The following SMYD3 variants were observed in gnomAD, a reference collection of about 807,000 sequenced individuals.
SMYD3 encodes the protein SET and MYND domain containing 3.
A neutral mutation model predicts 57.7 loss-of-function variants in SMYD3; 36 were observed. The ratio of observed to expected loss-of-function variants is 0.62; its 90% CI spans 0.48 to 0.82. The LOEUF (loss-of-function observed/expected upper bound fraction) is 0.82, where lower values mean the gene tolerates loss of function less well. Ranked by LOEUF, SMYD3 falls within the 40% of genes least tolerant of loss-of-function variation. SMYD3 has a pLI of 0.00. For synonymous variants in SMYD3, 211 were observed against 195.0 expected, an observed-to-expected ratio of 1.08 and a Z score of -0.68; for missense variants, 515 against 538.8, an observed-to-expected ratio of 0.96 and a Z score of 0.44.
At chr1:246,073,253 A>G (rs768376626) in intron 5 of SMYD3, among the ~76,000 whole-genome samples, 12 of 152,162 alleles carry the variant, frequency 7.9e-5, no homozygotes, top group Non-Finnish European at 1.8e-4. Flanking sequence ...ATTGTTGCCT[A>G]TTTTACTGTG....
chr1:246,153,928 G>A (rs57769476), intron 5 of SMYD3, among the ~76,000 whole-genome samples: 5,776 of 152,184 alleles, frequency 0.038, 157 homozygotes, highest in South Asian at 0.087. Flanking sequence ...AATATGTACT[G>A]TGACATCATT....
chr1:246,038,210 A>G (rs538253977), intron 5 of SMYD3, among the ~76,000 whole-genome samples: 18 of 152,264 alleles, frequency 1.2e-4, no homozygotes, highest in African/African-American at 4.1e-4. Context: ...AGTTTTAAAG[A>G]TCTCTTATTT....
At chr1:246,465,885 C>G (rs368914886) in intron 1 of SMYD3, among the ~76,000 whole-genome samples, 16 of 152,154 alleles carry the variant, frequency 1.1e-4, no homozygotes, top group Non-Finnish European at 2.2e-4. Flanking sequence ...AATTCTCGTG[C>G]GCCTGCCTAC....
intron 1 of SMYD3, among the ~76,000 whole-genome samples, chr1:246,363,223 C>A (rs1267496188): frequency 6.7e-6 from 1 of 149,726 alleles, no homozygotes; most frequent in Non-Finnish European, 1.5e-5. Flanking sequence ...CGTCTCCGCC[C>A]GGCAGCCACC....
intron 5 of SMYD3, among the ~76,000 whole-genome samples, chr1:246,146,025 T>C (rs1572104316): frequency 6.6e-6 from 1 of 152,322 alleles, no homozygotes; most frequent in East Asian, 1.9e-4. Flanking sequence ...TAATATACAG[T>C]TATTGAGTAT....
At chr1:246,332,385 G>A (rs1255409839) in intron 3 of SMYD3, among the ~76,000 whole-genome samples, 4 of 152,228 alleles carry the variant, frequency 2.6e-5, no homozygotes, top group Non-Finnish European at 4.4e-5. Context: ...GCCTAATCCA[G>A]AGGAAAGCCC....
intron 8 of SMYD3, among the ~76,000 whole-genome samples, chr1:245,901,943 T>G (rs1025187316): frequency 6.6e-6 from 1 of 152,144 alleles, no homozygotes; most frequent in Admixed American, 6.5e-5. Context: ...GGGAGTTGAC[T>G]GGAGTCCATC....
At chr1:246,282,111 A>G (rs923567701) in intron 5 of SMYD3, among the ~76,000 whole-genome samples, 5 of 152,076 alleles carry the variant, frequency 3.3e-5, no homozygotes, top group African/African-American at 7.2e-5. Context: ...CTTTACTTAT[A>G]TAGATCATGG....
Position 245,948,327 on chromosome 1 carries a change from A to G in SMYD3, c.532-18390T>C, listed in dbSNP as rs183107538. On this transcript the variant is annotated intron_variant, in intron 5 of 11. Coordinates refer to ENST00000490107, the MANE Select transcript of SMYD3 (RefSeq NM_001167740.2). ...TGGAATTCAACATGGAAGTGACAGG[A>G]GACGCCTAAGGCAAGAAAGGAGAGG... Among the ~76,000 whole-genome samples, 11 of 152,330 alleles carry G rather than the reference A, an allele frequency of 7.2e-5. No homozygotes were observed. In the East Asian group the frequency reaches 1.9e-3, roughly 27 times the overall value.
intron 1 of SMYD3, among the ~76,000 whole-genome samples, chr1:246,403,018 C>G (rs1201712779): frequency 6.6e-6 from 1 of 152,310 alleles, no homozygotes; most frequent in Admixed American, 6.5e-5. Context: ...CCCCATTCTA[C>G]CCGAACTGTC....
At chr1:246,397,308 C>T (rs1215732682) in intron 1 of SMYD3, among the ~76,000 whole-genome samples, 1 of 152,204 alleles carries the variant, frequency 6.6e-6, no homozygotes, top group Non-Finnish European at 1.5e-5. Context: ...TGAATCATCC[C>T]AAAGCCATCC....
intron 11 of SMYD3, among the ~76,000 whole-genome samples, chr1:245,755,293 T>G (rs2045560772): frequency 6.6e-6 from 1 of 152,260 alleles, no homozygotes; most frequent in Non-Finnish European, 1.5e-5. Flanking sequence ...TTTATGTTTA[T>G]TGATATCTGT....
chr1:246,443,608 T>C (rs2067503009), intron 1 of SMYD3, among the ~76,000 whole-genome samples: 1 of 152,184 alleles, frequency 6.6e-6, no homozygotes, highest in Admixed American at 6.5e-5. Flanking sequence ...GTTGGGCTGG[T>C]GTAGTGGCAG....
chr1:245,902,391 G>A (rs892198120), intron 8 of SMYD3, among the ~76,000 whole-genome samples: 1 of 152,192 alleles, frequency 6.6e-6, no homozygotes, highest in African/African-American at 2.4e-5. Context: ...CAGGGGACCT[G>A]AGAACCAGCT....
At chr1:246,276,532 A>C (rs1179309272) in intron 5 of SMYD3, among the ~76,000 whole-genome samples, 4 of 149,664 alleles carry the variant, frequency 2.7e-5, no homozygotes, top group African/African-American at 9.9e-5. Context: ...TACTAGCCGT[A>C]TTAACACTGG....
At chr1:245,949,423 T>C (rs902594880) in intron 5 of SMYD3, among the ~76,000 whole-genome samples, 2 of 151,976 alleles carry the variant, frequency 1.3e-5, no homozygotes, top group Admixed American at 6.5e-5. Flanking sequence ...GAGGAAATTA[T>C]AGACACCACG....
At chr1:246,150,823 A>G (rs977211254) in intron 5 of SMYD3, among the ~76,000 whole-genome samples, 1 of 152,212 alleles carries the variant, frequency 6.6e-6, no homozygotes, top group African/African-American at 2.4e-5. Flanking sequence ...CTTCCCCTCC[A>G]GAGCCCTGCC....
intron 5 of SMYD3, among the ~76,000 whole-genome samples, chr1:246,316,540 GGT>G (rs1491260399): frequency 2.5e-5 from 3 of 120,638 alleles, no homozygotes; most frequent in African/African-American, 9.6e-5. Flanking sequence ...TTGTTGTTTT[GGT>G]TTTTTTTTTT....
At chr1:246,396,740 T>G (rs1210200585) in intron 1 of SMYD3, among the ~76,000 whole-genome samples, 1 of 152,192 alleles carries the variant, frequency 6.6e-6, no homozygotes, top group African/African-American at 2.4e-5. Flanking sequence ...CTGGTTGTTC[T>G]CCTGCCAGCC....
Sources: allele counts gnomAD v4.1 joint callset (sites outside exome capture counted in the v4.1 genomes callset), GRCh38; gene constraint gnomAD v4.1.1; transcripts MANE v1.5; gene names NCBI Gene and HGNC (gene_info 2026-07-23, HGNC 2026-07-21).